The following MPDZ variants were observed in gnomAD, a reference collection of about 807,000 sequenced individuals.
The protein encoded by MPDZ is multiple PDZ domain protein.
In MPDZ, 234 loss-of-function variants were observed where a neutral mutation model predicts 239.1. The observed-to-expected ratio is 0.98, with a 90% CI of 0.88 to 1.09. The LOEUF is 1.09. Among genes scored for constraint, MPDZ ranks in the 50% least tolerant of loss-of-function variants. The pLI, the probability that MPDZ is intolerant of heterozygous loss-of-function variation, is 0.00. For synonymous variants in MPDZ, 1,048 were observed against 881.3 expected, an observed-to-expected ratio of 1.19 and a Z score of -3.35; for missense variants, 3,175 against 2,510.0, an observed-to-expected ratio of 1.26 and a Z score of -5.66.
intron 2 of MPDZ, among the ~76,000 whole-genome samples, chr9:13,249,907 T>G (rs747234965): frequency 5.3e-4 from 81 of 152,282 alleles, no homozygotes; most frequent in Middle Eastern, 3.4e-3. Flanking sequence ...AAGAGCTCAG[T>G]AGAACTTCAC....
At chr9:13,131,951 A>G (rs576044770) in intron 32 of MPDZ, among the ~76,000 whole-genome samples, 1 of 152,258 alleles carries the variant, frequency 6.6e-6, no homozygotes, top group South Asian at 2.1e-4. Flanking sequence ...ATCATGGTTA[A>G]TTGCCTCTTC....
intron 12 of MPDZ, among the ~76,000 whole-genome samples, chr9:13,199,812 A>AC (rs1174246391): frequency 6.6e-6 from 1 of 152,074 alleles, no homozygotes; most frequent in Non-Finnish European, 1.5e-5. Context: ...GATGAATCAA[A>AC]CTTGATTATG....
chr9:13,164,869 G>C (rs1233407947), intron 22 of MPDZ, among the ~76,000 whole-genome samples: 3 of 152,122 alleles, frequency 2.0e-5, no homozygotes, highest in African/African-American at 7.2e-5. Flanking sequence ...GGATCATACA[G>C]AACTTCCAAA....
At chr9:13,200,268 T>C in intron 12 of MPDZ, among the ~76,000 whole-genome samples, 1 of 152,020 alleles carries the variant, frequency 6.6e-6, no homozygotes, top group Non-Finnish European at 1.5e-5. Flanking sequence ...AACAATCCTA[T>C]GTATTTCAAT....
intron 1 of MPDZ, among the ~76,000 whole-genome samples, chr9:13,251,570 G>C (rs1202840607): frequency 2.0e-5 from 3 of 152,152 alleles, no homozygotes; most frequent in Admixed American, 1.3e-4. Context: ...ATAGAGAAAA[G>C]AAATCTACCA....
At chr9:13,178,320 G>C (rs542444143) in intron 19 of MPDZ, among the ~76,000 whole-genome samples, 1 of 151,326 alleles carries the variant, frequency 6.6e-6, no homozygotes, top group Admixed American at 6.6e-5. Context: ...TTCTCTTACA[G>C]AAGGAAAATA....
chr9:13,192,033 TA>T (rs1954996946), intron 15 of MPDZ, 97 bp downstream of exon 15: 4 of 1,117,392 alleles, frequency 3.6e-6, no homozygotes, highest in Non-Finnish European at 3.6e-6. Flanking sequence ...GCGATGTGAG[TA>T]AATCAAATAC....
chr9:13,138,196 T>G, intron 28 of MPDZ, 43 bp from the exon 29 acceptor site: 1 of 1,481,192 alleles, frequency 6.8e-7, no homozygotes, highest in Non-Finnish European at 9.0e-7. Context: ...ACAGTTAATT[T>G]ACAGTCAAAT....
rs1945146467 is a variant in MPDZ at position 13,126,550 on chromosome 9, TC to T, written c.4597del (p.Asp1533MetfsTer17). 6.3e-7 allele frequency: 1 copy of T among 1,581,066 alleles called. No individual in the cohort carries two copies. The highest frequency in any genetic ancestry group is 1.3e-5 in the African/African-American group (1 of 74,244). ...AGGGTAACCAACAACAATTTCATCA[TC>T]TACAGCCAGTATCTGATCTCCGACT... ...LKVGDQILAV[D>X]DEIVVGYPIE... is the part of the protein sequence containing the mutation. On this transcript the variant is annotated frameshift_variant, in exon 34 of 47. Coordinates refer to ENST00000319217, the MANE Select transcript of MPDZ (RefSeq NM_001378778.1). LOFTEE classifies it high-confidence loss of function.
intron 1 of MPDZ, among the ~76,000 whole-genome samples, chr9:13,256,168 T>C (rs943231315): frequency 1.2e-4 from 19 of 152,202 alleles, no homozygotes; most frequent in African/African-American, 3.4e-4. Context: ...CAACATTTTT[T>C]CTGCAGCTCC....
At chr9:13,248,887 C>G (rs1384122446) in intron 2 of MPDZ, among the ~76,000 whole-genome samples, 1 of 136,760 alleles carries the variant, frequency 7.3e-6, no homozygotes, top group Non-Finnish European at 1.5e-5. Context: ...GCAAGAAAAT[C>G]CCTTGAACTC....
At chr9:13,204,556 A>C (rs1448554963) in intron 12 of MPDZ, among the ~76,000 whole-genome samples, 2 of 152,160 alleles carry the variant, frequency 1.3e-5, no homozygotes, top group African/African-American at 2.4e-5. Context: ...CCCAATATTA[A>C]ATCTTGGAAC....
chr9:13,221,285 A>C, intron 7 of MPDZ, 87 bp downstream of exon 7: 1 of 1,393,372 alleles, frequency 7.2e-7, no homozygotes, highest in Non-Finnish European at 9.5e-7. Flanking sequence ...TTTAAGGCCA[A>C]AGTTTCTTCT....
chr9:13,277,822 C>T (rs939573263), intron 1 of MPDZ, among the ~76,000 whole-genome samples: 5 of 152,164 alleles, frequency 3.3e-5, no homozygotes, highest in Non-Finnish European at 7.3e-5. Context: ...ACCTCGGTCT[C>T]CCAAAGTGCT....
intron 1 of MPDZ, among the ~76,000 whole-genome samples, chr9:13,268,221 TC>T (rs1564169571): frequency 1.3e-5 from 2 of 151,434 alleles, no homozygotes; most frequent in Non-Finnish European, 2.9e-5. Context: ...TTATAATACA[TC>T]CCAAAAAACC....
At chr9:13,154,607 A>G (rs934257070) in intron 24 of MPDZ, among the ~76,000 whole-genome samples, 2 of 152,196 alleles carry the variant, frequency 1.3e-5, no homozygotes, top group African/African-American at 4.8e-5. Context: ...GTCCAAAACA[A>G]AAGCTTTGGC....
chr9:13,182,480 T>C (rs1953482164), intron 19 of MPDZ, among the ~76,000 whole-genome samples: 1 of 152,118 alleles, frequency 6.6e-6, no homozygotes, highest in Non-Finnish European at 1.5e-5. Context: ...TGCCAACACA[T>C]TTTTAGATTT....
chr9:13,272,328 C>T (rs888491918), intron 1 of MPDZ, among the ~76,000 whole-genome samples: 2 of 152,094 alleles, frequency 1.3e-5, no homozygotes, highest in Admixed American at 6.6e-5. Flanking sequence ...AGGGCTATTT[C>T]TTCTCATTTT....
intron 24 of MPDZ, among the ~76,000 whole-genome samples, chr9:13,151,241 A>G (rs1949128842): frequency 6.6e-6 from 1 of 152,100 alleles, no homozygotes; most frequent in Non-Finnish European, 1.5e-5. Flanking sequence ...GCTATGGAAA[A>G]GAGTATATAG....
Sources: allele counts gnomAD v4.1 joint callset (sites outside exome capture counted in the v4.1 genomes callset), GRCh38; gene constraint gnomAD v4.1.1; transcripts MANE v1.5; gene names NCBI Gene and HGNC (gene_info 2026-07-23, HGNC 2026-07-21).